Variants in FGF12 observed in about 807,000 individuals in gnomAD.
The protein encoded by FGF12 is fibroblast growth factor 12, also known as fibroblast growth factor 12B.
In FGF12, 14 loss-of-function variants were observed where a neutral mutation model predicts 23.6. The observed-to-expected ratio is 0.59, with a 90% CI of 0.39 to 0.93. The LOEUF is 0.93. FGF12 is among the 40% of genes least tolerant of loss of function. FGF12 has a pLI of 0.00. For missense variants in FGF12, 175 were observed against 217.8 expected, an observed-to-expected ratio of 0.80 and a Z score of 1.24; for synonymous variants, 62 against 77.3, an observed-to-expected ratio of 0.80 and a Z score of 1.04.
intron 2 of FGF12, among the ~76,000 whole-genome samples, chr3:192,682,503 A>G (rs74610533): frequency 0.042 from 6,466 of 152,280 alleles, 336 homozygotes; most frequent in South Asian, 0.13. Context: ...TTTAGACTAA[A>G]TGATTTCTAA....
chr3:192,204,500 C>A (rs1717540685), intron 4 of FGF12, among the ~76,000 whole-genome samples: 1 of 152,146 alleles, frequency 6.6e-6, no homozygotes, highest in Admixed American at 6.5e-5. Flanking sequence ...GTGCCACAAT[C>A]CAGGCAGATA....
At chr3:192,367,675 A>G (rs937585734) in intron 2 of FGF12, among the ~76,000 whole-genome samples, 1 of 152,182 alleles carries the variant, frequency 6.6e-6, no homozygotes, top group East Asian at 1.9e-4. Context: ...TATTTAGTAA[A>G]GGAGAAGCAG....
chr3:192,389,517 A>G (rs1376233804), intron 2 of FGF12, among the ~76,000 whole-genome samples: 2 of 152,254 alleles, frequency 1.3e-5, no homozygotes, highest in African/African-American at 4.8e-5. Context: ...AGATTTTAAA[A>G]CAGAAACTAA....
At chr3:192,430,140 A>T (rs7644702) in intron 2 of FGF12, among the ~76,000 whole-genome samples, 109,583 of 151,928 alleles carry the variant, frequency 0.72, 40,344 homozygotes, top group African/African-American at 0.88. Flanking sequence ...CATTGATGGA[A>T]AAATCAATAA....
intron 4 of FGF12, among the ~76,000 whole-genome samples, chr3:192,177,640 T>G (rs1715934576): frequency 6.6e-6 from 1 of 152,232 alleles, no homozygotes; most frequent in African/African-American, 2.4e-5. Context: ...GAATGTACAG[T>G]CAATGAGTGA....
chr3:192,352,229 A>G (rs1718259107), intron 3 of FGF12, among the ~76,000 whole-genome samples: 1 of 152,194 alleles, frequency 6.6e-6, no homozygotes, highest in Non-Finnish European at 1.5e-5. Flanking sequence ...TCAGATCCCC[A>G]TAGAAATAGG....
intron 4 of FGF12, among the ~76,000 whole-genome samples, chr3:192,213,398 C>A (rs1718034344): frequency 6.6e-6 from 1 of 152,128 alleles, no homozygotes; most frequent in African/African-American, 2.4e-5. Context: ...TCCAATAACA[C>A]TATTTCCAGA....
intron 4 of FGF12, among the ~76,000 whole-genome samples, chr3:192,287,998 T>C (rs567018183): frequency 1.3e-5 from 2 of 152,176 alleles, no homozygotes; most frequent in African/African-American, 4.8e-5. Flanking sequence ...AGTTATTGTC[T>C]GTTATTGTTT....
At chr3:192,599,929 G>A (rs1188285598) in intron 2 of FGF12, among the ~76,000 whole-genome samples, 1 of 152,090 alleles carries the variant, frequency 6.6e-6, no homozygotes, top group South Asian at 2.1e-4. Flanking sequence ...TTTGTTACCT[G>A]GATTTTGAGG....
chr3:192,260,090 G>A (rs1476638394), intron 4 of FGF12, among the ~76,000 whole-genome samples: 3 of 152,026 alleles, frequency 2.0e-5, no homozygotes, highest in African/African-American at 4.8e-5. Context: ...GCATCTCTAC[G>A]ATAATATCAA....
At chr3:192,725,238 T>C (rs1364927618) in intron 2 of FGF12, among the ~76,000 whole-genome samples, 4 of 152,004 alleles carry the variant, frequency 2.6e-5, no homozygotes, top group Non-Finnish European at 5.9e-5. Flanking sequence ...TAACACAGCT[T>C]CATTAAGAAA....
At position 192,727,139 on chromosome 3, in the gene FGF12, G is replaced by A. The variant is rs1182267896; in HGVS notation, c.13+42C>T. The A allele has an allele frequency of 3.2e-6, 5 of 1,565,808 alleles. No homozygotes were observed. In the South Asian group the frequency reaches 4.7e-5, roughly 15 times the overall value. ...TCGCCGAGGATTGCCTTGGCCACAC[G>A]CACATGCAGCGGGAAGTCCCCCGAT... On this transcript the variant is annotated intron_variant, in intron 2 of 5. Transcript: ENST00000445105.
intron 4 of FGF12, among the ~76,000 whole-genome samples, chr3:192,205,683 G>A (rs780506371): frequency 3.3e-5 from 5 of 152,068 alleles, no homozygotes; most frequent in African/African-American, 9.7e-5. Flanking sequence ...TCATGTTTTC[G>A]GCCTTTGAGA....
intron 2 of FGF12, among the ~76,000 whole-genome samples, chr3:192,641,706 G>A (rs895251539): frequency 3.9e-5 from 6 of 152,030 alleles, no homozygotes; most frequent in Non-Finnish European, 8.8e-5. Context: ...GTGCCTGGCC[G>A]GCCTTTCACA....
intron 2 of FGF12, among the ~76,000 whole-genome samples, chr3:192,711,449 C>T (rs555830595): frequency 2.0e-5 from 3 of 151,694 alleles, no homozygotes; most frequent in East Asian, 1.9e-4. Flanking sequence ...GGGAGGTGTA[C>T]CCAACAGCTC....
intron 4 of FGF12, among the ~76,000 whole-genome samples, chr3:192,297,574 A>G (rs1444196025): frequency 6.6e-6 from 1 of 152,192 alleles, no homozygotes; most frequent in Non-Finnish European, 1.5e-5. Flanking sequence ...CATCACCCAC[A>G]ACATAACAAT....
chr3:192,207,404 C>A (rs1256515268), intron 4 of FGF12, among the ~76,000 whole-genome samples: 2 of 152,164 alleles, frequency 1.3e-5, no homozygotes, highest in African/African-American at 4.8e-5. Flanking sequence ...ACTAACTTTC[C>A]TTGGAATGCT....
Position 192,142,506 on chromosome 3 carries a change from T to C in FGF12, c.*1503A>G, listed in dbSNP as rs1713455086. 1 of 152,508 alleles carries C rather than the reference T, an allele frequency of 6.6e-6. No individual in the cohort carries two copies. Among genetic ancestry groups the C allele is most frequent in the Non-Finnish European group, 1.5e-5 (1 of 67,958 alleles). 9.4% of individuals were successfully genotyped at this position (152,508 alleles called of 1,614,324 possible). ...ACATTCTGTTTTGTGTTTTTTTTTC[T>C]TTAAATTTGGATGTCTCTACACCAC... On this transcript the variant is annotated 3_prime_UTR_variant, in exon 6 of 6. Coordinates refer to ENST00000445105, the MANE Select transcript of FGF12 (RefSeq NM_004113.6).
At chr3:192,549,016 C>T (rs986341031) in intron 2 of FGF12, among the ~76,000 whole-genome samples, 4 of 152,276 alleles carry the variant, frequency 2.6e-5, no homozygotes, top group African/African-American at 7.2e-5. Context: ...ACCACTGCCA[C>T]ATTTCTTAAT....
Sources: gnomAD v4.1 joint callset for allele counts (sites outside exome capture counted in the v4.1 genomes callset) on GRCh38, gnomAD v4.1.1 for gene constraint, MANE v1.5 for transcripts, NCBI Gene and HGNC (gene_info 2026-07-23, HGNC 2026-07-21) for gene names.